The following PAIP1 variants were observed in gnomAD, a reference collection of about 807,000 sequenced individuals.
PAIP1 encodes poly(A) binding protein interacting protein 1.
PAIP1 carries 16 observed loss-of-function variants against 61.3 expected under a neutral mutation model. That is an observed-to-expected ratio of 0.26 (90% CI 0.18 to 0.40). The LOEUF (loss-of-function observed/expected upper bound fraction) is 0.40. PAIP1 is among the 10% of genes least tolerant of loss of function. The pLI is 1.00. For synonymous variants in PAIP1, 187 were observed against 226.2 expected (o/e 0.83, Z 1.56); for missense variants, 416 against 600.9 (o/e 0.69, Z 3.22).
chr5:43,550,946 T>C (rs1747845280), intron 2 of PAIP1, among the ~76,000 whole-genome samples: 1 of 147,890 alleles, frequency 6.8e-6, no homozygotes, highest in African/African-American at 2.5e-5. Flanking sequence ...TAAGGAAAGA[T>C]ATTCTCTTTC....
At position 43,547,846 on chromosome 5, in the gene PAIP1, T is replaced by C; in HGVS notation, c.503A>G (p.His168Arg). 1.2e-6 allele frequency: 2 copies of C among 1,612,238 alleles called. No individual in the cohort carries two copies. The highest frequency in any genetic ancestry group is 1.7e-6 in the Non-Finnish European group (2 of 1,178,456). The change falls in exon 3 of 11, where the codon CAT (histidine) becomes CGT (arginine). Residue 168 changes from histidine to arginine, a missense_variant. By Grantham distance (29) the His-to-Arg change is conservative (BLOSUM62 0). Coordinates refer to ENST00000306846, the MANE Select transcript of PAIP1 (RefSeq NM_006451.5). ...AAAACTGCCAGGCTGCTCTGTAAGA[T>C]GATTCAAAAAATCCTGAACATATTC... is the stretch of plus-strand genomic sequence containing the variant. ...LSEYVQDFLN[H>R]LTEQPGSFET...
chr5:43,546,064 C>T (rs112168786), intron 3 of PAIP1, among the ~76,000 whole-genome samples: 23 of 152,298 alleles, frequency 1.5e-4, no homozygotes, highest in African/African-American at 1.4e-4. Flanking sequence ...TGAGCCACTG[C>T]GCCTGGCCTA....
intron 3 of PAIP1, among the ~76,000 whole-genome samples, chr5:43,544,146 T>TA (rs568177939): frequency 0.2 from 14,215 of 72,622 alleles, 2,036 homozygotes; most frequent in Non-Finnish European, 0.26. Flanking sequence ...CCCATCTTTT[T>TA]AAAAAAAAAA....
At chr5:43,540,822 C>T (rs1364435263) in intron 4 of PAIP1, among the ~76,000 whole-genome samples, 2 of 152,144 alleles carry the variant, frequency 1.3e-5, no homozygotes, top group Non-Finnish European at 2.9e-5. Context: ...ACTTGGGAAG[C>T]TTTAAAAAAC....
intron 4 of PAIP1, among the ~76,000 whole-genome samples, chr5:43,539,321 C>A (rs968160361): frequency 6.6e-6 from 1 of 152,048 alleles, no homozygotes; most frequent in African/African-American, 2.4e-5. Context: ...TCACAGCATA[C>A]TGGCAGCCCA....
At position 43,536,964 on chromosome 5, in the gene PAIP1, GAAC is replaced by G. The variant is rs759876900; in HGVS notation, c.847-23_847-21del. ...CTTGATCTTTCGGGACCAAAAAAAAGAACAAAAGGAATGATGCCAAAATATAAT... is the reference window on the plus strand; with the variant it reads ...CTTGATCTTTCGGGACCAAAAAAAAGAAAAGGAATGATGCCAAAATATAAT... On this transcript the variant is annotated intron_variant, in intron 5 of 10. Coordinates refer to ENST00000306846, the MANE Select transcript of PAIP1 (RefSeq NM_006451.5). 1.9e-6 allele frequency: 3 copies of G among 1,540,102 alleles called. No homozygotes were observed. In the South Asian group the frequency reaches 3.7e-5, roughly 19 times the overall value.
rs1379441178 is a variant in PAIP1, at chr5:43,532,373, T to G, written c.1252+1365A>C. Reference sequence around the variant, plus strand: ...CACAAACACAGGAATAAGACACAATTTGATAGAAGAGTTACATAGTATACA... The same window carrying G: ...CACAAACACAGGAATAAGACACAATGTGATAGAAGAGTTACATAGTATACA... On this transcript the variant is annotated intron_variant, in intron 9 of 10. Transcript: ENST00000306846. Among the ~76,000 whole-genome samples, 8 of 151,908 alleles carry G rather than the reference T, an allele frequency of 5.3e-5. No individual in the cohort carries two copies. The East Asian group carries it at 1.5e-3, about 29-fold the overall frequency.
chr5:43,536,138 C>T (rs184340673), intron 6 of PAIP1, among the ~76,000 whole-genome samples: 563 of 152,218 alleles, frequency 3.7e-3, no homozygotes, highest in Non-Finnish European at 6.5e-3. Flanking sequence ...TTGATTATAT[C>T]CATCACTATA....
At chr5:43,544,006 C>A (rs1442915467) in intron 3 of PAIP1, among the ~76,000 whole-genome samples, 1 of 151,752 alleles carries the variant, frequency 6.6e-6, no homozygotes, top group Non-Finnish European at 1.5e-5. Context: ...TAGCTGGGCA[C>A]GGTAGCATGC....
intron 2 of PAIP1, among the ~76,000 whole-genome samples, chr5:43,548,642 T>A (rs1194885413): frequency 6.6e-6 from 1 of 152,162 alleles, no homozygotes; most frequent in Non-Finnish European, 1.5e-5. Context: ...GAAGGCTGAG[T>A]GGGCGAGTTT....
chr5:43,546,861 G>A (rs553564889), intron 3 of PAIP1, among the ~76,000 whole-genome samples: 10 of 151,828 alleles, frequency 6.6e-5, no homozygotes, highest in South Asian at 4.2e-4. Context: ...CGGTCAACAC[G>A]GTGGAACCCT....
At chr5:43,534,820 T>C (rs1355834748) in intron 8 of PAIP1, 33 bp downstream of exon 8, 3 of 1,123,246 alleles carry the variant, frequency 2.7e-6, no homozygotes, top group Non-Finnish European at 2.7e-6. Context: ...ATTCAAGCAA[T>C]AAGTAAAACT....
At chr5:43,555,437 A>C (rs1354429753) in intron 2 of PAIP1, among the ~76,000 whole-genome samples, 2 of 152,246 alleles carry the variant, frequency 1.3e-5, no homozygotes, top group East Asian at 3.8e-4. Flanking sequence ...AAAAGTGACT[A>C]TTTTTTAAAG....
chr5:43,529,918 A>G (rs1162070184), intron 9 of PAIP1, 39 bp from the exon 10 acceptor site: 2 of 933,618 alleles, frequency 2.1e-6, no homozygotes, highest in Non-Finnish European at 1.8e-6. Flanking sequence ...ATACTGAAAA[A>G]ATATCACATG....
rs945094081 is a variant in PAIP1, at chr5:43,556,152, C to G, written c.266-153G>C. The G allele has an allele frequency of 3.5e-5, 49 of 1,416,260 alleles. No homozygotes were observed. In the Admixed American group the frequency reaches 4.6e-4, roughly 13 times the overall value. The allele number at this position is 1,416,260 out of a possible 1,614,324, so 87.7% of individuals were successfully genotyped here. A position where few individuals can be genotyped will look rare whatever the true frequency, so the allele number is the denominator to read the frequency against. ...TGGTTATCGCCGGAATGTGTACAGA[C>G]AGCCTACAAAAAGGAACAATAGACT... is the stretch of plus-strand genomic sequence containing the variant. On this transcript the variant is annotated intron_variant, in intron 1 of 10. Transcript: ENST00000306846.
intron 9 of PAIP1, among the ~76,000 whole-genome samples, chr5:43,531,676 A>AAAAAAAAGAG (rs70997407): frequency 7.0e-6 from 1 of 143,106 alleles, no homozygotes; most frequent in East Asian, 2.3e-4. Context: ...AAAAAAAAAA[A>AAAAAAAAGAG]AGAGAAAAAA....
chr5:43,534,742 TGAAGACA>T, intron 8 of PAIP1, 104 bp downstream of exon 8: 1 of 675,748 alleles, frequency 1.5e-6, no homozygotes, highest in East Asian at 2.6e-5. Flanking sequence ...TCAAAGCCAG[TGAAGACA>T]GTTATTAGGC....
In PAIP1 at chr5:43,538,931, T is replaced by A. The variant is rs1309548016; in HGVS notation, c.839A>T (p.Asn280Ile). ...AAAAGAAAAACTTCTCACCTCCAGG[T>A]TAAGATAAAGTTCTCCCAGAAAGAG... is the stretch of plus-strand genomic sequence containing the variant. ...FVLFLGELYL[N>I]LEIKGTNGQV... Residue 280 changes from asparagine (N) to isoleucine (I), a missense_variant, in exon 5 of 11, where the codon AAC becomes ATC. By Grantham distance (149) the Asn-to-Ile change is moderately radical. Coordinates refer to ENST00000306846, the MANE Select transcript of PAIP1 (RefSeq NM_006451.5). 1 of 1,586,038 alleles carries A rather than the reference T, an allele frequency of 6.3e-7. No individual in the cohort carries two copies. The highest frequency in any genetic ancestry group is 1.7e-5 in the Admixed American group (1 of 59,970).
chr5:43,554,079 AGAG>A (rs1273197809), intron 2 of PAIP1, among the ~76,000 whole-genome samples: 1 of 152,232 alleles, frequency 6.6e-6, no homozygotes, highest in Non-Finnish European at 1.5e-5. Context: ...CTGATCTATT[AGAG>A]GATGGCAAGG....
Sources: gnomAD v4.1 joint callset for allele counts (sites outside exome capture counted in the v4.1 genomes callset) on GRCh38, gnomAD v4.1.1 for gene constraint, MANE v1.5 for transcripts, NCBI Gene and HGNC (gene_info 2026-07-23, HGNC 2026-07-21) for gene names.